MITF: variants seen among roughly 807,000 people sequenced by gnomAD.
MITF encodes the protein microphthalmia-associated transcription factor.
A neutral mutation model predicts 60.5 loss-of-function variants in MITF; 17 were observed. The observed-to-expected ratio is 0.28, with a 90% CI of 0.19 to 0.42. The LOEUF is 0.42. MITF is among the 10% of genes least tolerant of loss of function. MITF has a pLI of 1.00. For missense variants in MITF, 622 were observed against 683.5 expected (o/e 0.91, Z 1.00); for synonymous variants, 260 against 248.5 (o/e 1.05, Z -0.43).
chr3:69,837,885 C>G (rs2063564237), intron 1 of MITF, among the ~76,000 whole-genome samples: 1 of 152,122 alleles, frequency 6.6e-6, no homozygotes, highest in Non-Finnish European at 1.5e-5. Flanking sequence ...CTCTGATGTT[C>G]AAGACTCATC....
chr3:69,824,908 T>C (rs1038093733), intron 1 of MITF, among the ~76,000 whole-genome samples: 16 of 152,340 alleles, frequency 1.1e-4, no homozygotes, highest in African/African-American at 3.4e-4. Flanking sequence ...CTTCCCTGCC[T>C]CCAGATTTCT....
intron 1 of MITF, among the ~76,000 whole-genome samples, chr3:69,864,769 T>C (rs2107223277): frequency 6.6e-6 from 1 of 152,166 alleles, no homozygotes; most frequent in African/African-American, 2.4e-5. Context: ...CTTCATACTA[T>C]GTCCTTCAGT....
chr3:69,862,386 C>A (rs900547974), intron 1 of MITF, among the ~76,000 whole-genome samples: 2 of 151,954 alleles, frequency 1.3e-5, no homozygotes, highest in Non-Finnish European at 1.5e-5. Context: ...AACATAGGAC[C>A]CAGCACATAG....
rs553668642 is a variant in MITF at position 69,849,389 on chromosome 3, C to G, written c.105-29745C>G. Among the ~76,000 whole-genome samples the G allele has an allele frequency of 2.0e-5, 3 of 152,304 alleles. No individual in the cohort carries two copies. The East Asian group carries it at 5.8e-4, about 29-fold the overall frequency. ...TCCCTTTGTGATGCCATGTTCGTAT[C>G]AGGCTCTGGTGACCAAGATGGTGGT... On this transcript the variant is annotated intron_variant, in intron 1 of 9. Coordinates refer to ENST00000352241, the MANE Select transcript of MITF (RefSeq NM_001354604.2).
chr3:69,778,265 T>C (rs1373247829), intron 1 of MITF, among the ~76,000 whole-genome samples: 1 of 152,206 alleles, frequency 6.6e-6, no homozygotes, highest in Non-Finnish European at 1.5e-5. Context: ...ATATTAATTC[T>C]TCCTCCTATA....
chr3:69,916,902 C>T (rs1020574750), intron 2 of MITF, among the ~76,000 whole-genome samples: 14 of 152,038 alleles, frequency 9.2e-5, no homozygotes, highest in Non-Finnish European at 2.9e-5. Flanking sequence ...ATTAGTTAGC[C>T]CCTTGGTAAA....
At chr3:69,963,608 A>C (rs545879881) in intron 9 of MITF, among the ~76,000 whole-genome samples, 34 of 152,332 alleles carry the variant, frequency 2.2e-4, no homozygotes, top group African/African-American at 7.9e-4. Context: ...TCTGTTGGGC[A>C]CTGCACGACT....
intron 1 of MITF, among the ~76,000 whole-genome samples, chr3:69,813,225 T>C (rs62251026): frequency 0.16 from 24,948 of 152,152 alleles, 2,207 homozygotes; most frequent in Non-Finnish European, 0.21. Context: ...TTGACACAGT[T>C]AGGTAGCTAA....
At chr3:69,796,697 G>A (rs2062836976) in intron 1 of MITF, among the ~76,000 whole-genome samples, 1 of 150,062 alleles carries the variant, frequency 6.7e-6, no homozygotes. Flanking sequence ...TGGTAGAGAC[G>A]GGGTTTCACC....
At chr3:69,910,728 T>G (rs2065206123) in intron 2 of MITF, among the ~76,000 whole-genome samples, 1 of 152,220 alleles carries the variant, frequency 6.6e-6, no homozygotes, top group African/African-American at 2.4e-5. Context: ...CCGCTTTGTT[T>G]TGGCCAATTT....
intron 1 of MITF, among the ~76,000 whole-genome samples, chr3:69,836,675 G>A (rs1447404322): frequency 6.6e-6 from 1 of 152,202 alleles, no homozygotes; most frequent in Non-Finnish European, 1.5e-5. Context: ...GACAGGGTGG[G>A]ATAACAGTCA....
intron 1 of MITF, among the ~76,000 whole-genome samples, chr3:69,837,358 G>A (rs1310003036): frequency 1.3e-5 from 2 of 152,112 alleles, no homozygotes; most frequent in African/African-American, 4.8e-5. Context: ...TTTTAAGGCA[G>A]GTATTACTTT....
At chr3:69,830,012 G>C (rs1559657440) in intron 1 of MITF, among the ~76,000 whole-genome samples, 1 of 151,996 alleles carries the variant, frequency 6.6e-6, no homozygotes, top group Non-Finnish European at 1.5e-5. Flanking sequence ...GTGTTTCTTT[G>C]GTTCAGCAGG....
intron 1 of MITF, among the ~76,000 whole-genome samples, chr3:69,865,481 TA>T (rs1173794898): frequency 6.6e-6 from 1 of 152,228 alleles, no homozygotes; most frequent in East Asian, 1.9e-4. Flanking sequence ...GTCTGCATTT[TA>T]AAGTGTTTTT....
At chr3:69,767,665 A>G (rs189876636) in intron 1 of MITF, among the ~76,000 whole-genome samples, 1 of 152,278 alleles carries the variant, frequency 6.6e-6, no homozygotes, top group African/African-American at 2.4e-5. Context: ...TTCCAGGTAG[A>G]CCGAGGCATG....
At chr3:69,927,255 A>G (rs1478508008) in intron 2 of MITF, among the ~76,000 whole-genome samples, 1 of 152,144 alleles carries the variant, frequency 6.6e-6, no homozygotes, top group Non-Finnish European at 1.5e-5. Flanking sequence ...AAATATTGTT[A>G]GATTAACACA....
intron 9 of MITF, among the ~76,000 whole-genome samples, chr3:69,963,970 CTTTTTTTTTTTTTTTTT>C (rs56921812): frequency 1.2e-5 from 1 of 86,124 alleles, no homozygotes; most frequent in East Asian, 3.7e-4. Context: ...TTTTTCTTTT[CTTTTTTTTTTTTTTTTT>C]TTTTTTGAGA....
At chr3:69,870,424 GTATA>G (rs1217631745) in intron 1 of MITF, among the ~76,000 whole-genome samples, 11 of 145,202 alleles carry the variant, frequency 7.6e-5, no homozygotes, top group South Asian at 2.1e-4. Context: ...ATATGTGTGT[GTATA>G]TATATATATA....
intron 1 of MITF, among the ~76,000 whole-genome samples, chr3:69,853,305 C>G (rs1575821243): frequency 6.6e-6 from 1 of 152,130 alleles, no homozygotes; most frequent in East Asian, 1.9e-4. Context: ...AGAGATACCT[C>G]TGACCCTGGT....
Sources: gnomAD v4.1 joint callset for allele counts (sites outside exome capture counted in the v4.1 genomes callset) on GRCh38, gnomAD v4.1.1 for gene constraint, MANE v1.5 for transcripts, NCBI Gene and HGNC (gene_info 2026-07-23, HGNC 2026-07-21) for gene names.